The following NCAPG2 variants were observed in gnomAD, a reference collection of about 807,000 sequenced individuals.
NCAPG2 encodes the protein non-SMC condensin II complex subunit G2.
NCAPG2 carries 53 observed loss-of-function variants against 141.1 expected under a neutral mutation model. That is an observed-to-expected ratio of 0.38 (90% CI 0.30 to 0.47). NCAPG2 has a LOEUF of 0.47. Ranked by LOEUF, NCAPG2 falls within the 20% of genes least tolerant of loss-of-function variation. The pLI is 0.99. For missense variants in NCAPG2, 1,087 were observed against 1,389.0 expected, an observed-to-expected ratio of 0.78 and a Z score of 3.46; for synonymous variants, 499 against 490.7, an observed-to-expected ratio of 1.02 and a Z score of -0.22.
Position 158,650,140 on chromosome 7 carries a change from G to A in NCAPG2, c.3075+692C>T, listed in dbSNP as rs779896756. On this transcript the variant is annotated intron_variant, in intron 24 of 27. Transcript: ENST00000356309. ...GTGATCTCAGCTCACTGCAACCTCC[G>A]CCTCCCGGGTTCAAGACTGCCTCAG... 9.9e-4 allele frequency among the ~76,000 whole-genome samples: 150 copies of A among 152,200 alleles called. 4 individuals carry two copies. Among genetic ancestry groups the A allele is most frequent in the Non-Finnish European group, 3.5e-4 (24 of 68,002 alleles).
chr7:158,689,303 T>C (rs1398595033), intron 6 of NCAPG2, among the ~76,000 whole-genome samples: 1 of 152,238 alleles, frequency 6.6e-6, no homozygotes, highest in African/African-American at 2.4e-5. Context: ...CAAATCCATG[T>C]GTATTTTATA....
chr7:158,631,522 C>G lies in NCAPG2; in HGVS notation c.*144G>C. 1 of 803,842 alleles carries G rather than the reference C, an allele frequency of 1.2e-6. No homozygotes were observed. Among genetic ancestry groups the G allele is most frequent in the Non-Finnish European group, 2.1e-6 (1 of 474,054 alleles). 49.8% of individuals were successfully genotyped at this position (803,842 alleles called of 1,614,324 possible). A position where few individuals can be genotyped will look rare whatever the true frequency, so the allele number is the denominator to read the frequency against. ...GTTTTGAGTTATCTCCTCCATAACC[C>G]CCACCTTCCCACATTCCCACAAAAA... On this transcript the variant is annotated 3_prime_UTR_variant, in exon 28 of 28. Transcript: ENST00000356309.
In NCAPG2 at chr7:158,689,962, G is replaced by A. The variant is rs372336576; in HGVS notation, c.538-9C>T. On this transcript the variant is annotated splice_polypyrimidine_tract_variant and intron_variant, in intron 5 of 27. Transcript: ENST00000356309. ...CGACATACGTCTGCACCCTAGGAAT[G>A]ACACAAAAAATGTGATACCTTTTTC... The A allele has an allele frequency of 2.0e-6, 3 of 1,490,000 alleles. No individual in the cohort carries two copies. The highest frequency in any genetic ancestry group is 2.9e-5 in the African/African-American group (2 of 69,430). The allele number at this position is 1,490,000 out of a possible 1,614,324, so 92.3% of individuals were successfully genotyped here. A position where few individuals can be genotyped will look rare whatever the true frequency, so the allele number is the denominator to read the frequency against.
intron 24 of NCAPG2, among the ~76,000 whole-genome samples, chr7:158,648,596 C>T (rs1454855322): frequency 2.0e-5 from 2 of 99,824 alleles, no homozygotes; most frequent in African/African-American, 6.8e-5. Flanking sequence ...GCCAAATGGA[C>T]GACAACCACG....
At position 158,671,689 on chromosome 7, in the gene NCAPG2, C is replaced by T. The variant is rs200590280; in HGVS notation, c.1327-23G>A. 88 of 1,610,214 alleles carry T rather than the reference C, an allele frequency of 5.5e-5. No individual in the cohort carries two copies. The South Asian group carries it at 6.9e-4, about 13-fold the overall frequency. ...ACACTGCAACAGAGAGAAAGATAAA[C>T]AATTCAAAATCAGAACATGCCAATG... On this transcript the variant is annotated intron_variant, in intron 12 of 27. Coordinates refer to ENST00000356309, the MANE Select transcript of NCAPG2 (RefSeq NM_017760.7).
chr7:158,657,467 A>G (rs1205988053), intron 17 of NCAPG2, among the ~76,000 whole-genome samples: 1 of 152,218 alleles, frequency 6.6e-6, no homozygotes, highest in Non-Finnish European at 1.5e-5. Flanking sequence ...AGTTCCATGC[A>G]GTCTCTTCTT....
chr7:158,656,582 G>A lies in NCAPG2; in HGVS notation c.2184C>T (p.Asn728=). The change falls in exon 18 of 28, where the codon AAC becomes AAT. Residue 728 remains asparagine, a synonymous_variant. Coordinates refer to ENST00000356309, the MANE Select transcript of NCAPG2 (RefSeq NM_017760.7). ...QVGHILELVD[N]WLPTEHAQAK... The stretch of plus-strand genomic sequence containing the variant: ...CCTGGGCATGCTCTGTGGGCAGCCA[G>A]TTGTCAACAAGCTCCAGAATGTGCC... 1.2e-6 allele frequency: 2 copies of A among 1,614,104 alleles called. No homozygotes were observed. The highest frequency in any genetic ancestry group is 1.7e-6 in the Non-Finnish European group (2 of 1,180,040).
intron 22 of NCAPG2, among the ~76,000 whole-genome samples, chr7:158,654,383 C>T (rs930229505): frequency 1.3e-5 from 2 of 152,186 alleles, no homozygotes; most frequent in African/African-American, 4.8e-5. Flanking sequence ...TCCCAAGGAC[C>T]CTGTCACAAA....
At chr7:158,666,622 G>A (rs1339851633) in intron 13 of NCAPG2, among the ~76,000 whole-genome samples, 1 of 151,536 alleles carries the variant, frequency 6.6e-6, no homozygotes, top group Non-Finnish European at 1.5e-5. Context: ...ACACACTGCT[G>A]AAGAAATAGA....
chr7:158,697,935 G>T (rs539623214), intron 2 of NCAPG2, among the ~76,000 whole-genome samples: 2 of 152,140 alleles, frequency 1.3e-5, no homozygotes, highest in Non-Finnish European at 2.9e-5. Context: ...TGGCCTATTG[G>T]AGGGTAGAGG....
Position 158,656,696 on chromosome 7 carries a change from C to A in NCAPG2, c.2070G>T (p.Val690=). 1 of 1,613,812 alleles carries A rather than the reference C, an allele frequency of 6.2e-7. No homozygotes were observed. The highest frequency in any genetic ancestry group is 8.5e-7 in the Non-Finnish European group (1 of 1,179,926). ...ASAVPPFSCG[V]ISTLRSREEG... ...CCTCCCGGCTTCTCAGCGTGGAAAT[C>A]ACACCACAGCTGAAAATGTCAGACG... is the stretch of plus-strand genomic sequence containing the variant. The change falls in exon 18 of 28, where the codon GTG becomes GTT. Residue 690 remains valine, a synonymous_variant. Coordinates refer to ENST00000356309, the MANE Select transcript of NCAPG2 (RefSeq NM_017760.7).
chr7:158,685,371 T>A (rs2129468251), intron 8 of NCAPG2, among the ~76,000 whole-genome samples: 1 of 152,304 alleles, frequency 6.6e-6, no homozygotes, highest in South Asian at 2.1e-4. Context: ...AATTTTAAAT[T>A]TTCTAGTGGC....
chr7:158,675,891 G>A (rs991972637), intron 11 of NCAPG2, among the ~76,000 whole-genome samples: 2 of 152,064 alleles, frequency 1.3e-5, no homozygotes, highest in African/African-American at 4.8e-5. Context: ...CTGACAGCAG[G>A]GCCTCAAAAC....
At chr7:158,699,581 C>T (rs1835662778) in intron 2 of NCAPG2, among the ~76,000 whole-genome samples, 3 of 152,116 alleles carry the variant, frequency 2.0e-5, no homozygotes, top group Admixed American at 6.5e-5. Context: ...GACCCAAAGG[C>T]TCCAACCCCA....
At position 158,650,970 on chromosome 7, in the gene NCAPG2, C is replaced by G. The variant is rs200913666; in HGVS notation, c.2937G>C (p.Leu979=). Residue 979 remains leucine, a splice_region_variant and synonymous_variant, in exon 24 of 28, where the codon CTG becomes CTC. Coordinates refer to ENST00000356309, the MANE Select transcript of NCAPG2 (RefSeq NM_017760.7). ...GAAGAGGCCTCTGAACAGAATAAAG[C>G]AGCTACAAGAAAACACATACGTCAC... ...FRKQPEEGLR[L]LYSVQRPLHE... 2.3e-5 allele frequency: 36 copies of G among 1,572,702 alleles called. No individual in the cohort carries two copies. The highest frequency in any genetic ancestry group is 2.6e-6 in the Non-Finnish European group (3 of 1,166,788).
intron 27 of NCAPG2, among the ~76,000 whole-genome samples, chr7:158,641,709 G>A (rs150865423): frequency 6.6e-6 from 1 of 152,168 alleles, no homozygotes; most frequent in Non-Finnish European, 1.5e-5. Flanking sequence ...ATAATGAAAA[G>A]ATGGTAACAA....
chr7:158,649,057 G>C (rs1831284855), intron 24 of NCAPG2, among the ~76,000 whole-genome samples: 1 of 152,226 alleles, frequency 6.6e-6, no homozygotes, highest in South Asian at 2.1e-4. Context: ...GGTTTTAAAA[G>C]ATAGGCTATG....
At chr7:158,634,594 T>C (rs973204821) in intron 27 of NCAPG2, among the ~76,000 whole-genome samples, 6 of 152,162 alleles carry the variant, frequency 3.9e-5, no homozygotes, top group African/African-American at 1.4e-4. Context: ...TACACTGACC[T>C]AAGTCTAGAC....
intron 24 of NCAPG2, among the ~76,000 whole-genome samples, chr7:158,649,995 G>A (rs557020242): frequency 1.6e-4 from 24 of 152,236 alleles, no homozygotes; most frequent in East Asian, 5.8e-4. Flanking sequence ...TACAGCTACC[G>A]GTAGGAAAAT....
Sources: allele counts gnomAD v4.1 joint callset (sites outside exome capture counted in the v4.1 genomes callset), GRCh38; gene constraint gnomAD v4.1.1; transcripts MANE v1.5; gene names NCBI Gene and HGNC (gene_info 2026-07-23, HGNC 2026-07-21).